Variants in YBX3 observed in about 807,000 individuals in gnomAD.
The protein encoded by YBX3 is Y-box-binding protein 3.
Under a neutral mutation model 42.4 loss-of-function variants are expected in YBX3, and 29 were observed. That is an observed-to-expected ratio of 0.68 (90% confidence interval 0.51 to 0.93). The LOEUF is 0.93. Ranked by LOEUF, YBX3 falls within the 40% of genes least tolerant of loss-of-function variation. The pLI, the probability that YBX3 is intolerant of heterozygous loss-of-function variation, is 0.00. For synonymous variants in YBX3, 195 were observed against 189.8 expected (o/e 1.03, Z -0.22); for missense variants, 517 against 527.5 (o/e 0.98, Z 0.19).
chr12:10,707,471 A>G (rs1261519552), intron 6 of YBX3, among the ~76,000 whole-genome samples: 1 of 152,194 alleles, frequency 6.6e-6, no homozygotes, highest in Non-Finnish European at 1.5e-5. Context: ...ACACCTCTAT[A>G]TGCTTAAAAC....
chr12:10,716,266 C>G lies in YBX3; in HGVS notation c.361-483G>C, dbSNP rs919553586. On this transcript the variant is annotated intron_variant, in intron 3 of 9. Transcript: ENST00000228251. ...GTATTAGTAATAATCTGGCCTCCCC[C>G]CTCTCCTCCCATTTTGCAGATGAGT... The G allele has an allele frequency of 4.9e-5, 8 of 162,260 alleles. No individual in the cohort carries two copies. The South Asian group carries it at 1.1e-3, about 22-fold the overall frequency. 10.1% of individuals were successfully genotyped at this position (162,260 alleles called of 1,614,324 possible). A position where few individuals can be genotyped will look rare whatever the true frequency, so the allele number is the denominator to read the frequency against.
intron 1 of YBX3, among the ~76,000 whole-genome samples, chr12:10,720,234 C>T (rs1030580931): frequency 6.6e-6 from 1 of 152,148 alleles, no homozygotes; most frequent in Non-Finnish European, 1.5e-5. Context: ...AACAATAAGG[C>T]TTCACTTTTA....
intron 3 of YBX3, 27 bp from the exon 4 acceptor site, chr12:10,715,810 C>A: frequency 6.3e-7 from 1 of 1,587,194 alleles, no homozygotes; most frequent in South Asian, 1.1e-5. Flanking sequence ...AAATTTTATT[C>A]GATGTATATT....
At chr12:10,715,877 A>G (rs757107488) in intron 3 of YBX3, 94 bp from the exon 4 acceptor site, 18 of 1,025,482 alleles carry the variant, frequency 1.8e-5, no homozygotes, top group Non-Finnish European at 2.7e-5. Context: ...ACTTGAAGAA[A>G]CTGTTGACCG....
rs112062263 is a variant in YBX3, at chr12:10,701,251, T to C, written c.*34+3A>G. On this transcript the variant is annotated splice_donor_region_variant and intron_variant, in intron 9 of 9. Transcript: ENST00000228251. ...CTCAAGACTGGGCTGCCCCAGCTCT[T>C]ACCTGCCGATGGTGAAGGTGCCTGA... 2.6e-6 allele frequency: 2 copies of C among 777,742 alleles called. No homozygotes were observed. The highest frequency in any genetic ancestry group is 2.4e-5 in the East Asian group (1 of 41,248). The allele number at this position is 777,742 out of a possible 1,614,324, so 48.2% of individuals were successfully genotyped here.
chr12:10,721,311 T>C (rs1301902193), intron 1 of YBX3, among the ~76,000 whole-genome samples: 1 of 152,250 alleles, frequency 6.6e-6, no homozygotes, highest in Non-Finnish European at 1.5e-5. Context: ...CCTTCATTTA[T>C]CTGTTTCCTT....
chr12:10,705,100 A>C (rs1948123126), intron 6 of YBX3, among the ~76,000 whole-genome samples: 1 of 151,896 alleles, frequency 6.6e-6, no homozygotes, highest in Admixed American at 6.6e-5. Flanking sequence ...AGTTTTTTTT[A>C]ATTTATTTAT....
At chr12:10,715,027 G>A (rs1948244141) in intron 4 of YBX3, among the ~76,000 whole-genome samples, 1 of 151,794 alleles carries the variant, frequency 6.6e-6, no homozygotes, top group South Asian at 2.1e-4. Flanking sequence ...TGGGATTACA[G>A]GTGTGGGCCA....
At chr12:10,716,831 C>G (rs1378046929) in intron 3 of YBX3, among the ~76,000 whole-genome samples, 1 of 152,172 alleles carries the variant, frequency 6.6e-6, no homozygotes, top group East Asian at 1.9e-4. Context: ...AACAGCCCCT[C>G]CCTGCCGGCT....
chr12:10,709,650 T>C (rs1948175425), intron 6 of YBX3, among the ~76,000 whole-genome samples: 1 of 152,244 alleles, frequency 6.6e-6, no homozygotes. Context: ...CTTAATTCTT[T>C]TGTTCTTCTA....
At chr12:10,721,398 C>G (rs905388616) in intron 1 of YBX3, among the ~76,000 whole-genome samples, 12 of 152,322 alleles carry the variant, frequency 7.9e-5, no homozygotes, top group African/African-American at 2.9e-4. Flanking sequence ...AAGCTTTCTA[C>G]AAAATAAGGT....
intron 7 of YBX3, chr12:10,702,743 AAAG>A (rs1391988650): frequency 2.6e-5 from 4 of 152,218 alleles, no homozygotes; most frequent in Non-Finnish European, 4.4e-5. Flanking sequence ...TTAAAAAAGA[AAAG>A]AAGAGTAGTC....
chr12:10,716,300 G>C (rs960490967), intron 3 of YBX3, among the ~76,000 whole-genome samples: 2 of 152,170 alleles, frequency 1.3e-5, no homozygotes, highest in Admixed American at 6.5e-5. Context: ...GTTAACACGA[G>C]GCTAACAGTT....
intron 6 of YBX3, among the ~76,000 whole-genome samples, chr12:10,709,423 A>G (rs1204783169): frequency 4.6e-5 from 7 of 152,252 alleles, no homozygotes; most frequent in Non-Finnish European, 1.0e-4. Flanking sequence ...CCAATACTTT[A>G]AAAATGTTAT....
rs1002267054 is a variant in YBX3, at chr12:10,723,266, G to A, written c.-155C>T. The stretch of plus-strand genomic sequence containing the variant: ...GCGGCCGAGGTGGGGTCGCGCGGCG[G>A]AGGCGGCTCGAGCTTCGTGCTGCGC... On this transcript the variant is annotated 5_prime_UTR_variant, in exon 1 of 10. Transcript: ENST00000228251. The A allele has an allele frequency of 2.4e-5, 27 of 1,129,648 alleles. No homozygotes were observed. Among genetic ancestry groups the A allele is most frequent in the Non-Finnish European group, 3.0e-5 (27 of 913,126 alleles). The allele number at this position is 1,129,648 out of a possible 1,614,324, so 70.0% of individuals were successfully genotyped here.
rs570498280 is a variant in YBX3, at chr12:10,702,121, G to C, written c.892C>G (p.Arg298Gly). ...RPRYRSRGPP[R>G]PRPAPAVGEA... ...CCAACTGCTGGGGCAGGTCGTGGGC[G>C]AGGAGGTCCCCTGCTGTAGGGAACA... is the stretch of plus-strand genomic sequence containing the variant. Residue 298 changes from arginine to glycine, a missense_variant, in exon 8 of 10, where the codon CGC (arginine) becomes GGC (glycine). Physicochemically the swap from Arg to Gly is moderately radical, Grantham distance 125. Around this residue, in one of 3 missense-constraint regions of YBX3, gnomAD observed 420 missense variants for 408.5 expected, o/e 1.03. Transcript: ENST00000228251. 14 of 1,613,922 alleles carry C rather than the reference G, an allele frequency of 8.7e-6. No individual in the cohort carries two copies. The East Asian group carries it at 8.9e-5, about 10-fold the overall frequency.
rs1423212061 is a variant in YBX3, at chr12:10,715,686, C to T, written c.450+8G>A. 9 of 1,611,574 alleles carry T rather than the reference C, an allele frequency of 5.6e-6. No homozygotes were observed. Among genetic ancestry groups the T allele is most frequent in the Non-Finnish European group, 7.6e-6 (9 of 1,177,882 alleles). On this transcript the variant is annotated splice_region_variant and intron_variant, in intron 4 of 9. Transcript: ENST00000228251. The stretch of plus-strand genomic sequence containing the variant: ...GCACTTTGATACCCAACCACAATTT[C>T]CTCTCACCTTCTCTCCTTCAACCAC...
intron 1 of YBX3, 57 bp from the exon 2 acceptor site, chr12:10,719,200 T>C (rs1948297852): frequency 2.8e-6 from 4 of 1,409,446 alleles, no homozygotes; most frequent in Non-Finnish European, 4.0e-6. Context: ...ATATAGCTCA[T>C]ATCACTAAGA....
At position 10,718,100 on chromosome 12, in the gene YBX3, T is replaced by A; in HGVS notation, c.348A>T (p.Val116=). The A allele has an allele frequency of 6.2e-7, 1 of 1,612,236 alleles. No individual in the cohort carries two copies. Among genetic ancestry groups the A allele is most frequent in the Non-Finnish European group, 8.5e-7 (1 of 1,179,116 alleles). ...FINRNDTKED[V]FVHQTAIKKN... ...TAATCCCTCTTACCTGATGTACAAA[T>A]ACATCTTCTTTGGTGTCATTTCTGT... Residue 116 remains valine (V), a synonymous_variant, in exon 3 of 10, where the codon GTA becomes GTT. Coordinates refer to ENST00000228251, the MANE Select transcript of YBX3 (RefSeq NM_003651.5).
Sources: gnomAD v4.1 joint callset for allele counts (sites outside exome capture counted in the v4.1 genomes callset) on GRCh38, gnomAD v4.1.1 for gene constraint, gnomAD v4.1.1 regional missense constraint, MANE v1.5 for transcripts, NCBI Gene and HGNC (gene_info 2026-07-23, HGNC 2026-07-21) for gene names.